ZFAND5: variants seen among roughly 807,000 people sequenced by gnomAD.
ZFAND5 encodes the protein AN1-type zinc finger protein 5.
ZFAND5 carries 4 observed loss-of-function variants against 23.6 expected under a neutral mutation model. The observed-to-expected ratio is 0.17, with a 90% CI of 0.08 to 0.39. The LOEUF (loss-of-function observed/expected upper bound fraction) is 0.39, where lower values mean the gene tolerates loss of function less well. Ranked by LOEUF, ZFAND5 falls within the 10% of genes least tolerant of loss-of-function variation. The pLI is 1.00. For synonymous variants in ZFAND5, 68 were observed against 80.6 expected (o/e 0.84, Z 0.84); for missense variants, 161 against 253.7 (o/e 0.63, Z 2.48).
chr9:72,360,384 C>T (rs959066392), intron 3 of ZFAND5, 163 bp from the exon 4 acceptor site: 11 of 826,518 alleles, frequency 1.3e-5, no homozygotes, highest in Non-Finnish European at 2.1e-5. Context: ...ATTAAAAAGT[C>T]AATCCAATGA....
chr9:72,364,331 C>T, intron 1 of ZFAND5: 1 of 1,048,794 alleles, frequency 9.5e-7, no homozygotes. Flanking sequence ...CTGCAACGGG[C>T]AGGGGGCGCG....
At chr9:72,360,048 AG>A in intron 4 of ZFAND5, 61 bp downstream of exon 4, 1 of 1,368,410 alleles carries the variant, frequency 7.3e-7, no homozygotes. Context: ...TTATTGGACC[AG>A]TACAGACATC....
intron 5 of ZFAND5, 65 bp downstream of exon 5, chr9:72,359,353 C>T: frequency 6.6e-7 from 1 of 1,510,578 alleles, no homozygotes; most frequent in Non-Finnish European, 9.0e-7. Context: ...GGAAAGAATC[C>T]CCCCACCAGC....
At chr9:72,363,137 C>A (rs1406038305) in intron 2 of ZFAND5, among the ~76,000 whole-genome samples, 1 of 152,074 alleles carries the variant, frequency 6.6e-6, no homozygotes, top group East Asian at 1.9e-4. Flanking sequence ...AAAAAAGAAT[C>A]CTCATTTAGT....
chr9:72,355,744 G>A lies in ZFAND5; in HGVS notation c.*209C>T. The A allele has an allele frequency of 2.6e-6, 1 of 384,180 alleles. No homozygotes were observed. Among genetic ancestry groups the A allele is most frequent in the South Asian group, 7.5e-5 (1 of 13,356 alleles). 23.8% of individuals were successfully genotyped at this position (384,180 alleles called of 1,614,324 possible). On this transcript the variant is annotated 3_prime_UTR_variant, in exon 7 of 7. Coordinates refer to ENST00000376962, the MANE Select transcript of ZFAND5 (RefSeq NM_001102420.3). Reference sequence around the variant, plus strand: ...AGATTTTCATCCAATTTTTTTCAGGGGAGGGCATATACATTTGTAGGGCTG... The same window carrying A: ...AGATTTTCATCCAATTTTTTTCAGGAGAGGGCATATACATTTGTAGGGCTG...
At position 72,356,880 on chromosome 9, in the gene ZFAND5, T is replaced by G. The variant is rs753006154; in HGVS notation, c.493+51A>C. On this transcript the variant is annotated intron_variant, in intron 6 of 6. Transcript: ENST00000376962. ...AGTCTCTTAGGGAGTGACCAAAAGC[T>G]CCTTGTTAACTGCAGAAGTAAAACA... The G allele has an allele frequency of 9.4e-6, 15 of 1,601,732 alleles. No individual in the cohort carries two copies. The South Asian group carries it at 1.7e-4, about 18-fold the overall frequency.
rs1487822401 is a variant in ZFAND5 at position 72,364,706 on chromosome 9, C to A, written c.-157G>T. The A allele has an allele frequency of 1.1e-6, 1 of 903,842 alleles. No homozygotes were observed. The highest frequency in any genetic ancestry group is 1.4e-6 in the Non-Finnish European group (1 of 721,930). The allele number at this position is 903,842 out of a possible 1,614,324, so 56.0% of individuals were successfully genotyped here. ...CCCCGTATCACTCACCCTGCAGGGT[C>A]CCAAATGCGAAAGCCGGGTTCGCGC... On this transcript the variant is annotated 5_prime_UTR_variant, in exon 1 of 7. Transcript: ENST00000376962.
chr9:72,360,285 CGTA>C, intron 3 of ZFAND5, 64 bp from the exon 4 acceptor site: 2 of 1,342,324 alleles, frequency 1.5e-6, no homozygotes, highest in East Asian at 4.6e-5. Context: ...AGTATCAAGA[CGTA>C]GTAATAAATA....
chr9:72,361,274 T>A (rs1046761588), intron 2 of ZFAND5, among the ~76,000 whole-genome samples: 1 of 152,220 alleles, frequency 6.6e-6, no homozygotes, highest in Admixed American at 6.5e-5. Flanking sequence ...CATCAGTAAT[T>A]TGACAAATCT....
At position 72,357,001 on chromosome 9, in the gene ZFAND5, T is replaced by G. The variant is rs774115897; in HGVS notation, c.423A>C (p.Glu141Asp). ...VSQPSTSQSE[E>D]KAPELPKPKK... Reference sequence around the variant, plus strand: ...TTGGTTTGGGCAATTCAGGAGCTTTTTCTTCACTCTGAGAAGTACTGGGCT... The same window carrying G: ...TTGGTTTGGGCAATTCAGGAGCTTTGTCTTCACTCTGAGAAGTACTGGGCT... Residue 141 changes from glutamate to aspartate, a missense_variant, in exon 6 of 7, where the codon GAA becomes GAC. Around this residue, in one of 3 missense-constraint regions of ZFAND5, gnomAD observed 116 missense variants for 115.2 expected, o/e 1.01. Coordinates refer to ENST00000376962, the MANE Select transcript of ZFAND5 (RefSeq NM_001102420.3). The G allele has an allele frequency of 3.1e-6, 5 of 1,613,710 alleles. No homozygotes were observed. The Admixed American group carries it at 8.3e-5, about 27-fold the overall frequency.
intron 5 of ZFAND5, among the ~76,000 whole-genome samples, chr9:72,358,915 A>C (rs1331439139): frequency 4.6e-5 from 7 of 152,072 alleles, no homozygotes; most frequent in African/African-American, 1.7e-4. Context: ...ATATAAGCAA[A>C]GTTTCCAAAG....
chr9:72,352,649 C>G lies in ZFAND5; in HGVS notation c.*3304G>C, dbSNP rs1841806905. ...GAAAGCCTTACGGAAAAGAATGATT[C>G]TAATGACTTTAAACTGCAAGTTTAA... is the stretch of plus-strand genomic sequence containing the variant. On this transcript the variant is annotated 3_prime_UTR_variant, in exon 7 of 7. Transcript: ENST00000376962. The G allele has an allele frequency of 6.6e-6, 1 of 152,204 alleles. No homozygotes were observed. Among genetic ancestry groups the G allele is most frequent in the African/African-American group, 2.4e-5 (1 of 41,448 alleles). The allele number at this position is 152,204 out of a possible 1,614,324, so 9.4% of individuals were successfully genotyped here.
At chr9:72,360,989 C>CA (rs779195675) in intron 2 of ZFAND5, among the ~76,000 whole-genome samples, 7 of 151,874 alleles carry the variant, frequency 4.6e-5, no homozygotes, top group Non-Finnish European at 1.0e-4. Context: ...AAAAAAAACC[C>CA]AAAAAGAAAT....
At chr9:72,359,954 A>G (rs768211318) in intron 4 of ZFAND5, among the ~76,000 whole-genome samples, 156 bp downstream of exon 4, 1 of 152,226 alleles carries the variant, frequency 6.6e-6, no homozygotes, top group Non-Finnish European at 1.5e-5. Context: ...TAAGTAACAC[A>G]CATCTTTACT....
intron 2 of ZFAND5, among the ~76,000 whole-genome samples, chr9:72,362,501 AACCT>A (rs3833711): frequency 0.037 from 5,658 of 152,290 alleles, 122 homozygotes; most frequent in African/African-American, 0.059. Flanking sequence ...CCAAGCGATC[AACCT>A]ACCTAAGTAA....
chr9:72,355,463 A>G lies in ZFAND5; in HGVS notation c.*490T>C, dbSNP rs981724656. The G allele has an allele frequency of 6.5e-6, 1 of 152,816 alleles. No individual in the cohort carries two copies. The highest frequency in any genetic ancestry group is 6.5e-5 in the Admixed American group (1 of 15,280). 9.5% of individuals were successfully genotyped at this position (152,816 alleles called of 1,614,324 possible). On this transcript the variant is annotated 3_prime_UTR_variant, in exon 7 of 7. Coordinates refer to ENST00000376962, the MANE Select transcript of ZFAND5 (RefSeq NM_001102420.3). ...AGAAGGTCTGATCCTCTTTATGAGC[A>G]TTTCTTCCTGCTTCCAAAGAATATG...
chr9:72,360,200 C>G lies in ZFAND5; in HGVS notation c.173G>C (p.Ser58Thr). ...TACAGATGCAGAATCTGAGGTAGGA[C>G]TGTTGGAACCACTAGCTGTTCCTAT... ...SPMGTASGSN[S>T]PTSDSASVQR... Residue 58 changes from serine to threonine, a missense_variant, in exon 4 of 7, where the codon AGT becomes ACT. Transcript: ENST00000376962. 2 of 1,612,602 alleles carry G rather than the reference C, an allele frequency of 1.2e-6. No homozygotes were observed. The highest frequency in any genetic ancestry group is 3.3e-5 in the Admixed American group (2 of 59,770).
At chr9:72,356,270 G>C (rs536196940) in intron 6 of ZFAND5, among the ~76,000 whole-genome samples, 169 bp from the exon 7 acceptor site, 1 of 152,344 alleles carries the variant, frequency 6.6e-6, no homozygotes, top group South Asian at 2.1e-4. Flanking sequence ...CTCTTACAGA[G>C]TCTATCACGT....
In ZFAND5 at chr9:72,364,717, A is replaced by C; in HGVS notation, c.-168T>G. The C allele has an allele frequency of 5.2e-5, 41 of 791,242 alleles. No individual in the cohort carries two copies. Among genetic ancestry groups the C allele is most frequent in the Admixed American group, 1.2e-4 (2 of 16,350 alleles). 49.0% of individuals were successfully genotyped at this position (791,242 alleles called of 1,614,324 possible). A position where few individuals can be genotyped will look rare whatever the true frequency, so the allele number is the denominator to read the frequency against. On this transcript the variant is annotated 5_prime_UTR_variant, in exon 1 of 7. Coordinates refer to ENST00000376962, the MANE Select transcript of ZFAND5 (RefSeq NM_001102420.3). ...TCACCCTGCAGGGTCCCAAATGCGA[A>C]AGCCGGGTTCGCGCGCGAAGCCGGC...
Sources: allele counts gnomAD v4.1 joint callset (sites outside exome capture counted in the v4.1 genomes callset), GRCh38; gene constraint gnomAD v4.1.1; regional missense constraint gnomAD v4.1.1; transcripts MANE v1.5; gene names NCBI Gene and HGNC (gene_info 2026-07-23, HGNC 2026-07-21).